Variants in ADGRB3 observed in about 807,000 individuals in gnomAD.
ADGRB3 encodes the protein adhesion G protein-coupled receptor B3.
ADGRB3 carries 37 observed loss-of-function variants against 193.4 expected under a neutral mutation model. The ratio of observed to expected loss-of-function variants is 0.19; its 90% CI spans 0.15 to 0.25. The LOEUF is 0.25. ADGRB3 is among the 10% of genes least tolerant of loss of function. ADGRB3 has a pLI of 1.00. For synonymous variants in ADGRB3, 690 were observed against 644.2 expected, an observed-to-expected ratio of 1.07 and a Z score of -1.08; for missense variants, 1,637 against 1,852.9, an observed-to-expected ratio of 0.88 and a Z score of 2.14.
intron 3 of ADGRB3, among the ~76,000 whole-genome samples, chr6:68,819,744 A>T (rs1164118158): frequency 2.0e-5 from 3 of 152,088 alleles, no homozygotes; most frequent in African/African-American, 7.2e-5. Context: ...TAAGAAATAG[A>T]TAAAATTGTA....
intron 20 of ADGRB3, among the ~76,000 whole-genome samples, chr6:69,258,113 C>G (rs1766822310): frequency 6.6e-6 from 1 of 152,020 alleles, no homozygotes; most frequent in Admixed American, 6.6e-5. Context: ...TCTTTAAGCT[C>G]TGTTTTTCAG....
chr6:68,733,009 CTG>C (rs927512344), intron 3 of ADGRB3, among the ~76,000 whole-genome samples: 1 of 151,718 alleles, frequency 6.6e-6, no homozygotes, highest in Non-Finnish European at 1.5e-5. Flanking sequence ...GAACCAAACT[CTG>C]AGAACCACTA....
intron 20 of ADGRB3, among the ~76,000 whole-genome samples, chr6:69,302,581 G>A (rs1767968817): frequency 6.6e-6 from 1 of 151,902 alleles, no homozygotes; most frequent in Non-Finnish European, 1.5e-5. Flanking sequence ...TAAGCCTCTA[G>A]ATGTAAGAGT....
At chr6:69,238,085 C>T (rs1254200629) in intron 19 of ADGRB3, among the ~76,000 whole-genome samples, 1 of 151,982 alleles carries the variant, frequency 6.6e-6, no homozygotes, top group African/African-American at 2.4e-5. Context: ...TGATTGTCCT[C>T]AAAGACAGGG....
chr6:69,212,935 G>GA, intron 17 of ADGRB3, among the ~76,000 whole-genome samples: 1 of 152,110 alleles, frequency 6.6e-6, no homozygotes, highest in South Asian at 2.1e-4. Context: ...GGAGTGATAG[G>GA]AAAAAATATT....
intron 3 of ADGRB3, among the ~76,000 whole-genome samples, chr6:68,782,550 T>C (rs529875743): frequency 6.6e-6 from 1 of 152,142 alleles, no homozygotes; most frequent in Non-Finnish European, 1.5e-5. Flanking sequence ...ATCGCCACAC[T>C]GACTTCCACA....
chr6:69,386,807 A>G (rs531563682), intron 31 of ADGRB3, among the ~76,000 whole-genome samples: 2 of 152,132 alleles, frequency 1.3e-5, no homozygotes, highest in South Asian at 4.1e-4. Flanking sequence ...CTTTTCTCAG[A>G]AAGTTTTATG....
chr6:68,903,760 G>T (rs763142814), intron 3 of ADGRB3, among the ~76,000 whole-genome samples: 1 of 151,732 alleles, frequency 6.6e-6, no homozygotes, highest in Non-Finnish European at 1.5e-5. Context: ...AAATCCCATC[G>T]CTTTGAGTGG....
chr6:69,000,104 TA>T (rs1464186436), intron 11 of ADGRB3, among the ~76,000 whole-genome samples: 1 of 152,230 alleles, frequency 6.6e-6, no homozygotes, highest in Non-Finnish European at 1.5e-5. Flanking sequence ...CAGACATATT[TA>T]AAATCAAATT....
chr6:69,062,151 T>C (rs983575341), intron 15 of ADGRB3, among the ~76,000 whole-genome samples: 5 of 151,998 alleles, frequency 3.3e-5, no homozygotes, highest in African/African-American at 7.2e-5. Context: ...TTAAATCATC[T>C]TTAAATCTCT....
At chr6:69,299,846 A>AT (rs1045421179) in intron 20 of ADGRB3, among the ~76,000 whole-genome samples, 7 of 151,298 alleles carry the variant, frequency 4.6e-5, no homozygotes, top group East Asian at 1.9e-4. Context: ...TTTTGTTCAG[A>AT]TTTTTTTTGA....
At chr6:69,362,107 A>G (rs1769467114) in intron 29 of ADGRB3, among the ~76,000 whole-genome samples, 1 of 151,950 alleles carries the variant, frequency 6.6e-6, no homozygotes, top group Non-Finnish European at 1.5e-5. Context: ...TTTGCATCTT[A>G]GACTGTGAAT....
intron 20 of ADGRB3, among the ~76,000 whole-genome samples, chr6:69,302,735 G>A (rs965867950): frequency 2.0e-5 from 3 of 151,930 alleles, no homozygotes; most frequent in African/African-American, 4.8e-5. Context: ...GAAGGATTAC[G>A]CTATTGAAGA....
At chr6:68,951,191 A>T (rs997573475) in intron 6 of ADGRB3, among the ~76,000 whole-genome samples, 3 of 152,168 alleles carry the variant, frequency 2.0e-5, no homozygotes, top group African/African-American at 7.2e-5. Flanking sequence ...TAAAAAAAAT[A>T]TTAGTGAATT....
intron 20 of ADGRB3, among the ~76,000 whole-genome samples, chr6:69,267,231 G>C (rs945661927): frequency 6.6e-6 from 1 of 151,980 alleles, no homozygotes; most frequent in African/African-American, 2.4e-5. Flanking sequence ...GGTCAATCTT[G>C]CTGTTGTTAG....
intron 20 of ADGRB3, among the ~76,000 whole-genome samples, chr6:69,291,484 A>G (rs1296473519): frequency 6.6e-6 from 1 of 152,158 alleles, no homozygotes; most frequent in Non-Finnish European, 1.5e-5. Context: ...AGTTTTCCCA[A>G]AACACCTTGC....
chr6:68,740,717 T>C (rs191265387), intron 3 of ADGRB3, among the ~76,000 whole-genome samples: 22 of 152,338 alleles, frequency 1.4e-4, no homozygotes, highest in Admixed American at 3.9e-4. Context: ...TATGTGTTAG[T>C]AAAACATAAT....
At chr6:69,153,973 A>G (rs71557609) in intron 17 of ADGRB3, among the ~76,000 whole-genome samples, 2,520 of 152,246 alleles carry the variant, frequency 0.017, 35 homozygotes, top group Middle Eastern at 0.031. Context: ...AGCCAGGGCG[A>G]CAGAGTGAGA....
chr6:68,728,407 A>C (rs1392198264), intron 3 of ADGRB3, among the ~76,000 whole-genome samples: 1 of 151,598 alleles, frequency 6.6e-6, no homozygotes, highest in African/African-American at 2.4e-5. Flanking sequence ...ACAAAAAAAA[A>C]AGAAAAAGCA....
Sources: allele counts gnomAD v4.1 joint callset (sites outside exome capture counted in the v4.1 genomes callset), GRCh38; gene constraint gnomAD v4.1.1; transcripts MANE v1.5; gene names NCBI Gene and HGNC (gene_info 2026-07-23, HGNC 2026-07-21).